The following EPHA6 variants were observed in gnomAD, a reference collection of about 807,000 sequenced individuals.
EPHA6 encodes the protein EPH receptor A6.
Under a neutral mutation model 112.0 loss-of-function variants are expected in EPHA6, and 50 were observed. The observed-to-expected ratio is 0.45, with a 90% CI of 0.36 to 0.56. The LOEUF (loss-of-function observed/expected upper bound fraction) is 0.56. Among genes scored for constraint, EPHA6 ranks in the 20% least tolerant of loss-of-function variants. EPHA6 has a pLI of 0.00. For synonymous variants in EPHA6, 529 were observed against 490.7 expected, an observed-to-expected ratio of 1.08 and a Z score of -1.03; for missense variants, 1,280 against 1,417.4, an observed-to-expected ratio of 0.90 and a Z score of 1.56.
rs190218960 is a variant in EPHA6 at position 97,040,084 on chromosome 3, G to T, written c.1114+52091G>T. Among the ~76,000 whole-genome samples, 282 of 151,106 alleles carry T rather than the reference G, an allele frequency of 1.9e-3. 1 individual carries two copies. Among genetic ancestry groups the T allele is most frequent in the Admixed American group, 4.0e-3 (61 of 15,124 alleles). The stretch of plus-strand genomic sequence containing the variant: ...AATTATAATAATGATAATTATTAAT[G>T]ATAAAATAATGATTATTATAATGAT... On this transcript the variant is annotated intron_variant, in intron 3 of 17. Transcript: ENST00000389672.
At chr3:97,258,568 T>C (rs1425794763) in intron 5 of EPHA6, among the ~76,000 whole-genome samples, 1 of 152,150 alleles carries the variant, frequency 6.6e-6, no homozygotes, top group Non-Finnish European at 1.5e-5. Flanking sequence ...ACTGTGTACA[T>C]AGTTTAGTCT....
intron 3 of EPHA6, among the ~76,000 whole-genome samples, chr3:97,098,982 A>G (rs918918900): frequency 1.6e-4 from 25 of 151,972 alleles, no homozygotes; most frequent in African/African-American, 6.0e-4. Flanking sequence ...TATGCAATTA[A>G]GCATGTAACA....
chr3:97,487,224 T>C (rs1263489111), intron 10 of EPHA6, among the ~76,000 whole-genome samples: 1 of 152,260 alleles, frequency 6.6e-6, no homozygotes, highest in Non-Finnish European at 1.5e-5. Flanking sequence ...CTGTCTCTTA[T>C]AGATGCAAGA....
At chr3:97,552,101 G>A (rs79588705) in intron 11 of EPHA6, among the ~76,000 whole-genome samples, 1,849 of 152,234 alleles carry the variant, frequency 0.012, 40 homozygotes, top group African/African-American at 0.042. Context: ...ATGAAACAAT[G>A]TTCCTAGGTC....
At chr3:96,965,450 C>T (rs2042091277) in intron 2 of EPHA6, among the ~76,000 whole-genome samples, 2 of 152,036 alleles carry the variant, frequency 1.3e-5, no homozygotes, top group South Asian at 4.1e-4. Context: ...TTCTCATATA[C>T]TTGTTATTTC....
At chr3:97,349,931 C>T (rs1321078734) in intron 5 of EPHA6, among the ~76,000 whole-genome samples, 2 of 151,604 alleles carry the variant, frequency 1.3e-5, no homozygotes, top group Non-Finnish European at 2.9e-5. Flanking sequence ...AGTTGAGAAA[C>T]AATAGTCTAA....
At chr3:97,051,293 T>A (rs1006620834) in intron 3 of EPHA6, among the ~76,000 whole-genome samples, 3 of 152,170 alleles carry the variant, frequency 2.0e-5, no homozygotes, top group African/African-American at 7.2e-5. Flanking sequence ...CTCTAATAAA[T>A]GGAGCAAAGA....
rs1249248919 is a variant in EPHA6, at chr3:97,621,311, T to A, written c.2574+10457T>A. 2.0e-5 allele frequency among the ~76,000 whole-genome samples: 3 copies of A among 151,996 alleles called. No homozygotes were observed. In the South Asian group the frequency reaches 6.2e-4, roughly 31 times the overall value. On this transcript the variant is annotated intron_variant, in intron 13 of 17. Coordinates refer to ENST00000389672, the MANE Select transcript of EPHA6 (RefSeq NM_001080448.3). ...GGAGAGGATCAGGAAAAATAACTAA[T>A]GGATGCTAGACTTAATACCTGAAGG...
intron 14 of EPHA6, among the ~76,000 whole-genome samples, chr3:97,688,033 C>T (rs781104582): frequency 1.3e-5 from 2 of 152,114 alleles, no homozygotes; most frequent in South Asian, 2.1e-4. Context: ...GTCAGTGAGG[C>T]GGGGAAATAT....
intron 5 of EPHA6, among the ~76,000 whole-genome samples, chr3:97,258,856 T>C (rs1233456517): frequency 1.3e-5 from 2 of 151,952 alleles, no homozygotes; most frequent in Admixed American, 6.6e-5. Context: ...TGTGTAGTCT[T>C]TTCATATTTG....
At chr3:97,141,511 T>G (rs1043102813) in intron 3 of EPHA6, among the ~76,000 whole-genome samples, 1 of 151,970 alleles carries the variant, frequency 6.6e-6, no homozygotes, top group African/African-American at 2.4e-5. Context: ...TGGAATAAAA[T>G]TAGACGTCAG....
intron 7 of EPHA6, among the ~76,000 whole-genome samples, chr3:97,474,873 TTTGAA>T (rs2091324913): frequency 6.6e-6 from 1 of 152,070 alleles, no homozygotes; most frequent in African/African-American, 2.4e-5. Flanking sequence ...AATTTTAGTG[TTTGAA>T]TTAAGTTCTA....
rs1334089143 is a variant in EPHA6 at position 96,963,504 on chromosome 3, A to C, written c.451-23826A>C. Among the ~76,000 whole-genome samples the C allele has an allele frequency of 3.3e-5, 5 of 152,262 alleles. No homozygotes were observed. In the East Asian group the frequency reaches 9.7e-4, roughly 29 times the overall value. On this transcript the variant is annotated intron_variant, in intron 2 of 17. Coordinates refer to ENST00000389672, the MANE Select transcript of EPHA6 (RefSeq NM_001080448.3). ...TAGCCTTTCTTTTTTATTTTGGAGA[A>C]ATTCTCTATAAATGTATGCTTTTTA...
intron 2 of EPHA6, among the ~76,000 whole-genome samples, chr3:96,871,488 A>G (rs1163638471): frequency 6.6e-6 from 1 of 151,984 alleles, no homozygotes; most frequent in Admixed American, 6.6e-5. Context: ...TTCCAGAATC[A>G]TGTTTTATCA....
chr3:97,558,867 C>G (rs1448691147), intron 11 of EPHA6, among the ~76,000 whole-genome samples: 1 of 151,914 alleles, frequency 6.6e-6, no homozygotes, highest in Admixed American at 6.6e-5. Flanking sequence ...TCTACACATA[C>G]TAATGATAAG....
chr3:97,169,086 T>G (rs759423127), intron 3 of EPHA6, among the ~76,000 whole-genome samples: 1 of 152,194 alleles, frequency 6.6e-6, no homozygotes, highest in Admixed American at 6.5e-5. Context: ...TTGGAGACTG[T>G]CTTATGCTCT....
intron 2 of EPHA6, among the ~76,000 whole-genome samples, chr3:96,939,617 G>A (rs949028303): frequency 1.3e-5 from 2 of 152,124 alleles, no homozygotes; most frequent in Non-Finnish European, 2.9e-5. Context: ...GTTCTGCTCT[G>A]ATGTTAGTTA....
intron 13 of EPHA6, among the ~76,000 whole-genome samples, chr3:97,615,021 T>G (rs1440215062): frequency 6.6e-6 from 1 of 151,882 alleles, no homozygotes; most frequent in African/African-American, 2.4e-5. Flanking sequence ...CAGAGAGGAA[T>G]GAAAGAGGTG....
At chr3:97,619,579 C>G (rs2093796736) in intron 13 of EPHA6, among the ~76,000 whole-genome samples, 1 of 151,946 alleles carries the variant, frequency 6.6e-6, no homozygotes, top group South Asian at 2.1e-4. Flanking sequence ...TCTCAGGATA[C>G]AAAATCAATG....
Sources: allele counts gnomAD v4.1 joint callset (sites outside exome capture counted in the v4.1 genomes callset), GRCh38; gene constraint gnomAD v4.1.1; transcripts MANE v1.5; gene names NCBI Gene and HGNC (gene_info 2026-07-23, HGNC 2026-07-21).